TAX1BP1: variants seen among roughly 807,000 people sequenced by gnomAD.
TAX1BP1 encodes Tax1 binding protein 1.
A neutral mutation model predicts 97.7 loss-of-function variants in TAX1BP1; 62 were observed. The observed-to-expected ratio is 0.63, with a 90% CI of 0.52 to 0.78. The LOEUF (loss-of-function observed/expected upper bound fraction) is 0.78, where lower values mean the gene tolerates loss of function less well. Among genes scored for constraint, TAX1BP1 ranks in the 30% least tolerant of loss-of-function variants. TAX1BP1 has a pLI of 0.00. For missense variants in TAX1BP1, 867 were observed against 916.1 expected, an observed-to-expected ratio of 0.95 and a Z score of 0.69; for synonymous variants, 340 against 304.2, an observed-to-expected ratio of 1.12 and a Z score of -1.23.
chr7:27,828,206 G>C (rs1583416016), intron 16 of TAX1BP1, among the ~76,000 whole-genome samples: 1 of 152,278 alleles, frequency 6.6e-6, no homozygotes, highest in Admixed American at 6.5e-5. Flanking sequence ...GACTGATTCT[G>C]ATGCATACAA....
intron 2 of TAX1BP1, among the ~76,000 whole-genome samples, chr7:27,755,257 G>A (rs776084378): frequency 3.3e-5 from 5 of 152,058 alleles, no homozygotes; most frequent in Non-Finnish European, 7.4e-5. Context: ...TTTTGTGGGC[G>A]TTTTTCCTCA....
At chr7:27,782,145 CAT>C (rs1336606959) in intron 5 of TAX1BP1, among the ~76,000 whole-genome samples, 2 of 152,172 alleles carry the variant, frequency 1.3e-5, no homozygotes, top group African/African-American at 2.4e-5. Context: ...AAAACACAAA[CAT>C]GTACAGCTGT....
intron 13 of TAX1BP1, among the ~76,000 whole-genome samples, chr7:27,812,831 G>A (rs561685409): frequency 6.6e-6 from 1 of 152,052 alleles, no homozygotes; most frequent in South Asian, 2.1e-4. Context: ...CTATTTTATT[G>A]ATTTTTATCA....
chr7:27,756,666 T>C (rs1788229718), intron 2 of TAX1BP1, among the ~76,000 whole-genome samples: 1 of 152,158 alleles, frequency 6.6e-6, no homozygotes, highest in Non-Finnish European at 1.5e-5. Flanking sequence ...ATACTACACC[T>C]ATAATAACTA....
At chr7:27,765,438 A>G (rs996189063) in intron 3 of TAX1BP1, among the ~76,000 whole-genome samples, 1 of 152,184 alleles carries the variant, frequency 6.6e-6, no homozygotes. Context: ...ATGAATGTCA[A>G]ATTGGAGGGA....
At chr7:27,796,295 A>G (rs1004366087) in intron 12 of TAX1BP1, 76 bp downstream of exon 12, 5 of 1,204,874 alleles carry the variant, frequency 4.1e-6, no homozygotes, top group Admixed American at 2.6e-5. Context: ...GTTTCAATTG[A>G]TTGGTATCTT....
intron 3 of TAX1BP1, among the ~76,000 whole-genome samples, chr7:27,760,399 T>TA (rs1455539869): frequency 6.6e-6 from 1 of 151,302 alleles, no homozygotes; most frequent in Non-Finnish European, 1.5e-5. Context: ...TTTAGAATTT[T>TA]TTTTTTTTTT....
At position 27,758,063 on chromosome 7, in the gene TAX1BP1, G is replaced by T. The variant is rs79805575; in HGVS notation, c.195G>T (p.Thr65=). The T allele has an allele frequency of 6.2e-7, 1 of 1,611,724 alleles. No homozygotes were observed. Among genetic ancestry groups the T allele is most frequent in the Non-Finnish European group, 8.5e-7 (1 of 1,178,968 alleles). The part of the protein sequence containing the change: ...VGWSTARDYY[T]FLWSPMPEHY... ...GGAGTACTGCTCGTGATTATTACAC[G>T]TTTTTATGGTCCCCTATGCCTGAAC... is the stretch of plus-strand genomic sequence containing the variant. The change falls in exon 3 of 17, where the codon ACG becomes ACT. Residue 65 remains threonine (T), a synonymous_variant. Transcript: ENST00000396319.
Position 27,829,169 on chromosome 7 carries a change from G to A in TAX1BP1, c.*340G>A, listed in dbSNP as rs1782602254. The stretch of plus-strand genomic sequence containing the variant: ...AAAACGTGTATGTATTAGTGTGCTA[G>A]ATTATTTAGCAGAATATTCACAAGT... On this transcript the variant is annotated 3_prime_UTR_variant, in exon 17 of 17. Coordinates refer to ENST00000396319, the MANE Select transcript of TAX1BP1 (RefSeq NM_006024.7). 1 of 182,334 alleles carries A rather than the reference G, an allele frequency of 5.5e-6. No individual in the cohort carries two copies. Among genetic ancestry groups the A allele is most frequent in the Non-Finnish European group, 1.1e-5 (1 of 88,470 alleles). The allele number at this position is 182,334 out of a possible 1,614,324, so 11.3% of individuals were successfully genotyped here.
intron 9 of TAX1BP1, among the ~76,000 whole-genome samples, chr7:27,792,714 C>T (rs927370595): frequency 2.6e-5 from 4 of 152,116 alleles, no homozygotes; most frequent in African/African-American, 9.7e-5. Flanking sequence ...ATAACCTCAG[C>T]ACTTTGGGGG....
In TAX1BP1 at chr7:27,746,498, C is replaced by T. The variant is rs182850940; in HGVS notation, c.-7-2020C>T. Among the ~76,000 whole-genome samples the T allele has an allele frequency of 2.4e-3, 362 of 151,276 alleles. 2 individuals are homozygous for T. Among genetic ancestry groups the T allele is most frequent in the African/African-American group, 8.4e-3 (345 of 41,204 alleles). ...TAGTATCATGACCTCCCTGGGAGCC[C>T]AAATTAGCTCAGACAACTCAAAGAA... On this transcript the variant is annotated intron_variant, in intron 1 of 16. Transcript: ENST00000396319.
At chr7:27,811,357 C>T (rs1324483117) in intron 13 of TAX1BP1, among the ~76,000 whole-genome samples, 3 of 152,142 alleles carry the variant, frequency 2.0e-5, no homozygotes, top group Admixed American at 2.0e-4. Flanking sequence ...TCTTATCAAA[C>T]CTAAGTTGAC....
rs1173093305 is a variant in TAX1BP1 at position 27,829,076 on chromosome 7, T to C, written c.*247T>C. The C allele has an allele frequency of 1.1e-5, 4 of 375,042 alleles. No individual in the cohort carries two copies. Among genetic ancestry groups the C allele is most frequent in the African/African-American group, 8.3e-5 (4 of 48,190 alleles). 23.2% of individuals were successfully genotyped at this position (375,042 alleles called of 1,614,324 possible). A position where few individuals can be genotyped will look rare whatever the true frequency, so the allele number is the denominator to read the frequency against. ...AAGTTCTTGTGTGTTCGTATCTTTA[T>C]TTATTCCCTAGTTTGCAGAACTGTC... is the stretch of plus-strand genomic sequence containing the variant. On this transcript the variant is annotated 3_prime_UTR_variant, in exon 17 of 17. Coordinates refer to ENST00000396319, the MANE Select transcript of TAX1BP1 (RefSeq NM_006024.7).
chr7:27,816,658 AT>A, intron 14 of TAX1BP1, 138 bp downstream of exon 14: 1 of 909,514 alleles, frequency 1.1e-6, no homozygotes, highest in Non-Finnish European at 1.6e-6. Flanking sequence ...AGCAGTTTTA[AT>A]ATTTAACACT....
At chr7:27,796,573 T>G (rs1789941877) in intron 12 of TAX1BP1, among the ~76,000 whole-genome samples, 1 of 152,216 alleles carries the variant, frequency 6.6e-6, no homozygotes, top group Non-Finnish European at 1.5e-5. Flanking sequence ...TTAAATTTAC[T>G]ATTATCGGCC....
intron 15 of TAX1BP1, among the ~76,000 whole-genome samples, chr7:27,822,994 G>A (rs558104111): frequency 9.1e-4 from 138 of 152,162 alleles, no homozygotes; most frequent in African/African-American, 3.2e-3. Context: ...ACTAACAGAT[G>A]TGCAAAATTA....
At chr7:27,751,527 ATTAATAC>A in intron 2 of TAX1BP1, among the ~76,000 whole-genome samples, 2 of 152,300 alleles carry the variant, frequency 1.3e-5, no homozygotes, top group South Asian at 4.1e-4. Flanking sequence ...AATGCTTATC[ATTAATAC>A]TTAATAAAGA....
At chr7:27,791,922 G>T in intron 8 of TAX1BP1, 84 bp from the exon 9 acceptor site, 1 of 1,360,858 alleles carries the variant, frequency 7.3e-7, no homozygotes, top group Non-Finnish European at 1.0e-6. Context: ...TTTTGGCCCT[G>T]TTGAAATATG....
chr7:27,792,700 A>G (rs536507068), intron 9 of TAX1BP1, among the ~76,000 whole-genome samples: 1 of 152,124 alleles, frequency 6.6e-6, no homozygotes, highest in Non-Finnish European at 1.5e-5. Flanking sequence ...AGTTGCTCAC[A>G]CCTATAACCT....
Sources: gnomAD v4.1 joint callset for allele counts (sites outside exome capture counted in the v4.1 genomes callset) on GRCh38, gnomAD v4.1.1 for gene constraint, MANE v1.5 for transcripts, NCBI Gene and HGNC (gene_info 2026-07-23, HGNC 2026-07-21) for gene names.